SNAP23: variants seen among roughly 807,000 people sequenced by gnomAD.
SNAP23 encodes the protein synaptosomal-associated protein 23.
A neutral mutation model predicts 29.0 loss-of-function variants in SNAP23; 11 were observed. The observed-to-expected ratio is 0.38, with a 90% CI of 0.24 to 0.63. The LOEUF is 0.63. Among genes scored for constraint, SNAP23 ranks in the 20% least tolerant of loss-of-function variants. The pLI, the probability that SNAP23 is intolerant of heterozygous loss-of-function variation, is 0.58. For synonymous variants in SNAP23, 60 were observed against 82.9 expected (o/e 0.72, Z 1.50); for missense variants, 220 against 253.9 (o/e 0.87, Z 0.91).
intron 4 of SNAP23, 36 bp downstream of exon 4, chr15:42,513,483 CTG>C: frequency 6.4e-7 from 1 of 1,550,958 alleles, no homozygotes; most frequent in Non-Finnish European, 8.9e-7. Flanking sequence ...CTTAATTTGA[CTG>C]TGATGCCAAA....
rs2057573534 is a variant in SNAP23, at chr15:42,532,290, C to G, written c.*812C>G. 1.3e-5 allele frequency: 2 copies of G among 151,958 alleles called. No individual in the cohort carries two copies. Among genetic ancestry groups the G allele is most frequent in the Admixed American group, 6.6e-5 (1 of 15,234 alleles). 9.4% of individuals were successfully genotyped at this position (151,958 alleles called of 1,614,324 possible). Reference sequence around the variant, plus strand: ...ATTTTTAGTAGAGACAGGGTTTCACCATGTCAAGCTGGTCTTGGACTCCTG... The same window carrying G: ...ATTTTTAGTAGAGACAGGGTTTCACGATGTCAAGCTGGTCTTGGACTCCTG... On this transcript the variant is annotated 3_prime_UTR_variant, in exon 8 of 8. Transcript: ENST00000249647.
chr15:42,513,054 C>A, intron 3 of SNAP23, 58 bp downstream of exon 3: 2 of 1,213,376 alleles, frequency 1.6e-6, no homozygotes, highest in Non-Finnish European at 2.4e-6. Context: ...GATCCTAATA[C>A]TTCTGGCTGG....
chr15:42,493,381 CGTGT>C (rs962249168), upstream of SNAP23, among the ~76,000 whole-genome samples: 2 of 150,982 alleles, frequency 1.3e-5, no homozygotes, highest in Non-Finnish European at 2.9e-5. Context: ...TATGTGTGTG[CGTGT>C]GTGTGTATGT....
chr15:42,494,727 G>C (rs1431060686), upstream of SNAP23, among the ~76,000 whole-genome samples: 1 of 152,030 alleles, frequency 6.6e-6, no homozygotes, highest in Non-Finnish European at 1.5e-5. Context: ...ATGTTGGCCA[G>C]GCTGGTCTGG....
chr15:42,500,937 C>T (rs2057264456), intron 1 of SNAP23, among the ~76,000 whole-genome samples: 1 of 152,150 alleles, frequency 6.6e-6, no homozygotes, highest in African/African-American at 2.4e-5. Flanking sequence ...TTCCAGAATT[C>T]TCTCTTCTTG....
At chr15:42,528,483 G>T (rs1358362277) in intron 6 of SNAP23, 63 bp downstream of exon 6, 2 of 1,506,896 alleles carry the variant, frequency 1.3e-6, no homozygotes, top group Admixed American at 1.7e-5. Context: ...TAGGAGATGA[G>T]TTTAGCAGTA....
rs1196984848 is a variant in SNAP23 at position 42,529,772 on chromosome 15, A to T, written c.523A>T (p.Asn175Tyr). 6.2e-7 allele frequency: 1 copy of T among 1,613,878 alleles called. No homozygotes were observed. Among genetic ancestry groups the T allele is most frequent in the Non-Finnish European group, 8.5e-7 (1 of 1,179,950 alleles). The part of the protein sequence containing the change: ...NLKDMALNIG[N>Y]EIDAQNPQIK... Reference sequence around the variant, plus strand: ...AAAAGACATGGCCCTGAACATAGGCAATGAGATTGATGCTCAAAATCCACA... The same window carrying T: ...AAAAGACATGGCCCTGAACATAGGCTATGAGATTGATGCTCAAAATCCACA... The change falls in exon 7 of 8, where the codon AAT becomes TAT. Residue 175 changes from asparagine (N) to tyrosine (Y), a missense_variant. Physicochemically the swap from Asn to Tyr is moderately radical, Grantham distance 143 (BLOSUM62 -2). Transcript: ENST00000249647.
chr15:42,525,486 CG>C (rs1304826381), intron 5 of SNAP23, among the ~76,000 whole-genome samples: 3 of 11,628 alleles, frequency 2.6e-4, no homozygotes, highest in Non-Finnish European at 1.1e-3. Flanking sequence ...TTTTTTGAGA[CG>C]GAGTCTCACT....
intron 1 of SNAP23, among the ~76,000 whole-genome samples, chr15:42,511,434 G>A (rs1284121856): frequency 1.3e-5 from 2 of 152,260 alleles, no homozygotes; most frequent in Non-Finnish European, 2.9e-5. Context: ...TTACTAAATT[G>A]GACTTTTCTT....
At chr15:42,520,525 C>T (rs370701192) in intron 5 of SNAP23, among the ~76,000 whole-genome samples, 158 of 151,916 alleles carry the variant, frequency 1.0e-3, no homozygotes, top group African/African-American at 3.5e-3. Context: ...GATGGTGTCT[C>T]GCTCTGTTGC....
chr15:42,526,558 G>A (rs972280056), intron 5 of SNAP23, among the ~76,000 whole-genome samples: 3 of 152,048 alleles, frequency 2.0e-5, no homozygotes, highest in African/African-American at 7.2e-5. Flanking sequence ...TGCCTATTAA[G>A]GAAGAAGTCA....
At chr15:42,507,208 C>T (rs759283973) in intron 1 of SNAP23, among the ~76,000 whole-genome samples, 9 of 152,130 alleles carry the variant, frequency 5.9e-5, no homozygotes, top group Non-Finnish European at 1.2e-4. Flanking sequence ...CTGACACAGC[C>T]GCCTTGGGTA....
chr15:42,502,026 C>CTTTTT (rs767749240), intron 1 of SNAP23, among the ~76,000 whole-genome samples: 4 of 132,504 alleles, frequency 3.0e-5, no homozygotes, highest in Non-Finnish European at 4.8e-5. Context: ...TATATTCTCT[C>CTTTTT]TTTTTTTTTT....
chr15:42,524,670 A>C (rs2255995), intron 5 of SNAP23, among the ~76,000 whole-genome samples: 86,879 of 152,170 alleles, frequency 0.57, 30,012 homozygotes, highest in East Asian at 0.79. Context: ...CCCCAGTGCC[A>C]AAAAGGTTGG....
chr15:42,532,313 C>T lies in SNAP23; in HGVS notation c.*835C>T, dbSNP rs1365890496. On this transcript the variant is annotated 3_prime_UTR_variant, in exon 8 of 8. Coordinates refer to ENST00000249647, the MANE Select transcript of SNAP23 (RefSeq NM_003825.4). Reference sequence around the variant, plus strand: ...ACCATGTCAAGCTGGTCTTGGACTCCTGACGTCGTGATCCACCCGCCTTGG... The same window carrying T: ...ACCATGTCAAGCTGGTCTTGGACTCTTGACGTCGTGATCCACCCGCCTTGG... 2.0e-5 allele frequency: 3 copies of T among 152,050 alleles called. No homozygotes were observed. Among genetic ancestry groups the T allele is most frequent in the Non-Finnish European group, 4.4e-5 (3 of 68,040 alleles). The allele number at this position is 152,050 out of a possible 1,614,324, so 9.4% of individuals were successfully genotyped here.
intron 1 of SNAP23, among the ~76,000 whole-genome samples, chr15:42,501,689 AG>A (rs1278717382): frequency 4.6e-5 from 7 of 152,188 alleles, no homozygotes; most frequent in African/African-American, 1.7e-4. Context: ...TGAGATTGTA[AG>A]CATGAGCCAT....
At chr15:42,529,919 C>G in intron 7 of SNAP23, 100 bp downstream of exon 7, 1 of 1,286,538 alleles carries the variant, frequency 7.8e-7, no homozygotes, top group South Asian at 1.4e-5. Flanking sequence ...GTAGAATAAG[C>G]TCCTGTCCTC....
At chr15:42,512,830 A>ATGAGCCACTGTGCCCGGCC in intron 2 of SNAP23, 125 bp from the exon 3 acceptor site, 1 of 679,562 alleles carries the variant, frequency 1.5e-6, no homozygotes. Flanking sequence ...GATTATAGGC[A>ATGAGCCACTGTGCCCGGCC]TGAGCCACTG....
intron 1 of SNAP23, among the ~76,000 whole-genome samples, chr15:42,496,189 G>A (rs1467112763): frequency 2.0e-5 from 3 of 152,122 alleles, no homozygotes; most frequent in Non-Finnish European, 4.4e-5. Flanking sequence ...TTCACAATTC[G>A]GGATTGGAGT....
Sources: allele counts gnomAD v4.1 joint callset (sites outside exome capture counted in the v4.1 genomes callset), GRCh38; gene constraint gnomAD v4.1.1; transcripts MANE v1.5; gene names NCBI Gene and HGNC (gene_info 2026-07-23, HGNC 2026-07-21).